Variants in ACACB observed in about 807,000 individuals in gnomAD.
The protein encoded by ACACB is acetyl-CoA carboxylase beta.
In ACACB, 209 loss-of-function variants were observed where a neutral mutation model predicts 278.8. The ratio of observed to expected loss-of-function variants is 0.75; its 90% confidence interval spans 0.67 to 0.84. The LOEUF is 0.84. ACACB is among the 40% of genes least tolerant of loss of function. ACACB has a pLI of 0.00. For missense variants in ACACB, 2,850 were observed against 3,269.0 expected (o/e 0.87, Z 3.13); for synonymous variants, 1,174 against 1,285.6 (o/e 0.91, Z 1.86).
chr12:109,186,355 G>T (rs1200394029), intron 12 of ACACB, among the ~76,000 whole-genome samples: 1 of 152,158 alleles, frequency 6.6e-6, no homozygotes, highest in Non-Finnish European at 1.5e-5. Context: ...AAGAGCCTGG[G>T]GTAACTTGCT....
intron 24 of ACACB, among the ~76,000 whole-genome samples, chr12:109,220,113 C>T (rs943189581): frequency 6.6e-6 from 1 of 152,156 alleles, no homozygotes; most frequent in African/African-American, 2.4e-5. Flanking sequence ...CATGAAATAT[C>T]ATGTACACCA....
intron 13 of ACACB, among the ~76,000 whole-genome samples, chr12:109,190,119 C>CA (rs767232163): frequency 1.3e-4 from 19 of 151,068 alleles, no homozygotes; most frequent in African/African-American, 2.7e-4. Context: ...CTCAAAAAAA[C>CA]AAAAAAAAGA....
chr12:109,236,553 C>T (rs1224952577), intron 33 of ACACB, among the ~76,000 whole-genome samples: 1 of 152,128 alleles, frequency 6.6e-6, no homozygotes, highest in Non-Finnish European at 1.5e-5. Flanking sequence ...TGTGACAGAG[C>T]CCGTATGATC....
At chr12:109,264,136 C>G in intron 49 of ACACB, 96 bp from the exon 50 acceptor site, 1 of 1,388,066 alleles carries the variant, frequency 7.2e-7, no homozygotes, top group African/African-American at 1.5e-5. Context: ...TCCTGCAAAT[C>G]CTGATTTGTG....
chr12:109,151,004 A>C (rs1344512559), intron 2 of ACACB, among the ~76,000 whole-genome samples: 1 of 126,104 alleles, frequency 7.9e-6, no homozygotes, highest in Non-Finnish European at 1.6e-5. Context: ...TTTGAGACGG[A>C]GTCTCGCTCT....
At chr12:109,117,823 T>G (rs2042443704) in intron 1 of ACACB, among the ~76,000 whole-genome samples, 1 of 152,236 alleles carries the variant, frequency 6.6e-6, no homozygotes, top group South Asian at 2.1e-4. Context: ...GAGTGCTCAC[T>G]GCAAGCTCCG....
At chr12:109,247,243 C>T (rs1048437223) in intron 39 of ACACB, among the ~76,000 whole-genome samples, 1 of 151,428 alleles carries the variant, frequency 6.6e-6, no homozygotes, top group African/African-American at 2.4e-5. Flanking sequence ...TTGCCCACTA[C>T]CCCCAAGAAG....
chr12:109,172,803 A>G (rs890684663), intron 6 of ACACB, among the ~76,000 whole-genome samples: 1 of 152,226 alleles, frequency 6.6e-6, no homozygotes, highest in Non-Finnish European at 1.5e-5. Context: ...TAACCCAGCA[A>G]TCCTGTTACT....
chr12:109,148,836 G>C (rs2043304106), intron 2 of ACACB, among the ~76,000 whole-genome samples: 2 of 152,144 alleles, frequency 1.3e-5, no homozygotes, highest in African/African-American at 2.4e-5. Context: ...GTGTGTCTTA[G>C]AGGGACTGTA....
chr12:109,232,460 C>G (rs1473256330), intron 28 of ACACB, among the ~76,000 whole-genome samples: 1 of 152,172 alleles, frequency 6.6e-6, no homozygotes, highest in African/African-American at 2.4e-5. Flanking sequence ...ACTTGTTGAG[C>G]TCTTACTCTT....
At chr12:109,143,322 T>C (rs776021934) in intron 2 of ACACB, among the ~76,000 whole-genome samples, 3 of 151,686 alleles carry the variant, frequency 2.0e-5, no homozygotes, top group African/African-American at 7.3e-5. Context: ...AATTAGCCAG[T>C]TGTGGTGGTA....
In ACACB at chr12:109,197,153, G is replaced by A. The variant is rs1158195178; in HGVS notation, c.2627G>A (p.Ser876Asn). 3 of 1,601,318 alleles carry A rather than the reference G, an allele frequency of 1.9e-6. No homozygotes were observed. In the African/African-American group the frequency reaches 4.0e-5, roughly 22 times the overall value. The change falls in exon 17 of 53, where the codon AGT becomes AAT. Residue 876 changes from serine to asparagine, a missense_variant and splice_region_variant. Ser to Asn is a conservative substitution (Grantham distance 46, BLOSUM62 1). Transcript: ENST00000338432. Reference sequence around the variant, plus strand: ...ACCTACATGAAGGAAGAGGTTGACAGGTGCGTGGGGGTGCGAGTCCCACTG... The same window carrying A: ...ACCTACATGAAGGAAGAGGTTGACAAGTGCGTGGGGGTGCGAGTCCCACTG... Reference protein sequence around the residue: ...YTTYMKEEVDSYRITIGNKTC... With the variant: ...YTTYMKEEVDNYRITIGNKTC...
Position 109,191,717 on chromosome 12 carries a change from A to G in ACACB, c.2249A>G (p.Asp750Gly). 1 of 1,614,194 alleles carries G rather than the reference A, an allele frequency of 6.2e-7. No individual in the cohort carries two copies. The highest frequency in any genetic ancestry group is 8.5e-7 in the Non-Finnish European group (1 of 1,180,038). ...LLETESFQNNDIDTGWLDYLI... is the reference protein window; with the variant it reads ...LLETESFQNNGIDTGWLDYLI... The stretch of plus-strand genomic sequence containing the variant: ...GAGACCGAGAGCTTCCAGAACAACG[A>G]CATCGACACCGGGTGGTTGGACTAC... The change falls in exon 14 of 53, where the codon GAC becomes GGC. Residue 750 changes from aspartate to glycine, a missense_variant. Asp to Gly is a moderately conservative substitution (Grantham distance 94, BLOSUM62 -1). This residue lies in a region of ACACB where 2,265 missense variants were observed against 2,561.3 expected (regional missense o/e 0.88). Transcript: ENST00000338432.
At chr12:109,226,757 C>T (rs924194435) in intron 27 of ACACB, among the ~76,000 whole-genome samples, 1 of 151,130 alleles carries the variant, frequency 6.6e-6, no homozygotes, top group Non-Finnish European at 1.5e-5. Context: ...ACATGTTGTC[C>T]ACAGCTACGT....
rs1399651164 is a variant in ACACB, at chr12:109,222,554, C to T, written c.3612C>T (p.Ser1204=). ...CTTCCCTGTCGGACGAGCTGATCTC[C>T]ATCCTCAACGAGCTCACTCAGCTGA... ...PDPSLSDELI[S]ILNELTQLSK... The change falls in exon 25 of 53, where the codon TCC becomes TCT. Residue 1204 remains serine, a synonymous_variant. Transcript: ENST00000338432. 6 of 1,614,082 alleles carry T rather than the reference C, an allele frequency of 3.7e-6. No homozygotes were observed. Among genetic ancestry groups the T allele is most frequent in the Non-Finnish European group, 4.2e-6 (5 of 1,180,036 alleles).
Position 109,179,078 on chromosome 12 carries a change from C to T in ACACB, c.1438-10C>T. The T allele has an allele frequency of 1.2e-6, 2 of 1,610,370 alleles. No individual in the cohort carries two copies. On this transcript the variant is annotated splice_polypyrimidine_tract_variant and intron_variant, in intron 9 of 52. Transcript: ENST00000338432. ...CCATGAAGATCAGGCTGCTCTGCTT[C>T]CCCCGACAGGTACAGAGTGAGATCC...
At chr12:109,201,045 G>A (rs138049792) in intron 18 of ACACB, among the ~76,000 whole-genome samples, 1 of 152,328 alleles carries the variant, frequency 6.6e-6, no homozygotes, top group Non-Finnish European at 1.5e-5. Context: ...CACAGTCCTG[G>A]CTCTGCGGCC....
intron 2 of ACACB, among the ~76,000 whole-genome samples, chr12:109,156,604 T>TGG (rs1420100441): frequency 9.5e-4 from 60 of 63,192 alleles, no homozygotes; most frequent in African/African-American, 2.0e-3. Flanking sequence ...TTTTTTTTTT[T>TGG]GGGGGGGGGC....
chr12:109,199,671 A>G (rs2045266696), intron 18 of ACACB, 119 bp downstream of exon 18: 1 of 1,074,068 alleles, frequency 9.3e-7, no homozygotes, highest in South Asian at 3.6e-5. Context: ...GCAAATTTCT[A>G]AGGGAATCAG....
Sources: allele counts gnomAD v4.1 joint callset (sites outside exome capture counted in the v4.1 genomes callset), GRCh38; gene constraint gnomAD v4.1.1; regional missense constraint gnomAD v4.1.1; transcripts MANE v1.5; gene names NCBI Gene and HGNC (gene_info 2026-07-23, HGNC 2026-07-21).